ACAP2: variants seen among roughly 807,000 people sequenced by gnomAD.
ACAP2 encodes the protein arf-GAP with coiled-coil, ANK repeat and PH domain-containing protein 2.
In ACAP2, 39 loss-of-function variants were observed where a neutral mutation model predicts 115.8. That is an observed-to-expected ratio of 0.34 (90% CI 0.26 to 0.44). The LOEUF (loss-of-function observed/expected upper bound fraction) is 0.44, where lower values mean the gene tolerates loss of function less well. Ranked by LOEUF, ACAP2 falls within the 20% of genes least tolerant of loss-of-function variation. ACAP2 has a pLI of 1.00. For missense variants in ACAP2, 662 were observed against 927.6 expected, an observed-to-expected ratio of 0.71 and a Z score of 3.72; for synonymous variants, 289 against 315.8, an observed-to-expected ratio of 0.92 and a Z score of 0.90.
At chr3:195,294,663 C>T in intron 18 of ACAP2, 56 bp downstream of exon 18, 2 of 764,822 alleles carry the variant, frequency 2.6e-6, no homozygotes, top group Non-Finnish European at 4.1e-6. Flanking sequence ...AAACATTTAC[C>T]ACATGCACTT....
intron 4 of ACAP2, among the ~76,000 whole-genome samples, chr3:195,347,887 T>C (rs1251693821): frequency 1.3e-5 from 2 of 151,978 alleles, no homozygotes; most frequent in Non-Finnish European, 1.5e-5. Flanking sequence ...TGGCACACAC[T>C]TGTAGTCCTA....
At chr3:195,351,441 C>CGTGTGTGTGTGT (rs56049053) in intron 4 of ACAP2, among the ~76,000 whole-genome samples, 56 of 130,056 alleles carry the variant, frequency 4.3e-4, no homozygotes, top group African/African-American at 1.4e-3. Flanking sequence ...TTTTCTTTTT[C>CGTGTGTGTGTGT]GTGTGTGTGT....
At chr3:195,346,519 G>A (rs1202158567) in intron 4 of ACAP2, among the ~76,000 whole-genome samples, 1 of 152,094 alleles carries the variant, frequency 6.6e-6, no homozygotes, top group Non-Finnish European at 1.5e-5. Context: ...GACAAATTTT[G>A]TGAAAGACAA....
At chr3:195,300,389 A>C (rs985218633) in intron 15 of ACAP2, among the ~76,000 whole-genome samples, 1 of 152,160 alleles carries the variant, frequency 6.6e-6, no homozygotes, top group Non-Finnish European at 1.5e-5. Context: ...TCCAACCCTT[A>C]AACTCATCTA....
chr3:195,425,681 CTT>C (rs1009049680), intron 1 of ACAP2, among the ~76,000 whole-genome samples: 2 of 152,122 alleles, frequency 1.3e-5, no homozygotes, highest in Non-Finnish European at 1.5e-5. Flanking sequence ...AAATATAACT[CTT>C]GACTTTTTTC....
At chr3:195,338,509 C>T (rs1730660821) in intron 6 of ACAP2, among the ~76,000 whole-genome samples, 2 of 152,084 alleles carry the variant, frequency 1.3e-5, no homozygotes, top group African/African-American at 4.8e-5. Context: ...TTTGTAGAGA[C>T]AGGTTCTCAC....
At chr3:195,322,919 T>C (rs1316537587) in intron 9 of ACAP2, among the ~76,000 whole-genome samples, 1 of 152,208 alleles carries the variant, frequency 6.6e-6, no homozygotes, top group African/African-American at 2.4e-5. Context: ...ATTTCATAAC[T>C]TTAGCAATGA....
At chr3:195,281,129 G>A (rs552269536) in intron 22 of ACAP2, among the ~76,000 whole-genome samples, 10 of 152,278 alleles carry the variant, frequency 6.6e-5, no homozygotes, top group East Asian at 5.8e-4. Flanking sequence ...CTTTTGGCCC[G>A]GCCGGGTGGC....
At chr3:195,308,115 AAAAC>A (rs1276594927) in intron 11 of ACAP2, among the ~76,000 whole-genome samples, 6 of 152,196 alleles carry the variant, frequency 3.9e-5, no homozygotes, top group African/African-American at 1.4e-4. Context: ...AAGGTTCAGG[AAAAC>A]AAACATATAA....
At chr3:195,441,056 C>A (rs1715955501) in intron 1 of ACAP2, among the ~76,000 whole-genome samples, 1 of 151,114 alleles carries the variant, frequency 6.6e-6, no homozygotes, top group East Asian at 1.9e-4. Context: ...TTCTTTATTT[C>A]AAAAACAAAG....
At chr3:195,323,448 A>G (rs976091647) in intron 9 of ACAP2, among the ~76,000 whole-genome samples, 4 of 152,200 alleles carry the variant, frequency 2.6e-5, no homozygotes, top group African/African-American at 9.6e-5. Context: ...CATTTAGAAT[A>G]CAAGTGTCTA....
chr3:195,367,123 T>C (rs1732782561), intron 4 of ACAP2, among the ~76,000 whole-genome samples: 2 of 150,746 alleles, frequency 1.3e-5, no homozygotes, highest in Non-Finnish European at 2.9e-5. Flanking sequence ...AACTGTGCTC[T>C]CAAACAGTGG....
At chr3:195,427,780 G>C (rs1714795677) in intron 1 of ACAP2, among the ~76,000 whole-genome samples, 1 of 152,012 alleles carries the variant, frequency 6.6e-6, no homozygotes, top group South Asian at 2.1e-4. Context: ...ATGTAGTGGT[G>C]TGCACCTGTG....
intron 1 of ACAP2, among the ~76,000 whole-genome samples, chr3:195,417,507 T>C (rs909075200): frequency 2.6e-5 from 4 of 152,170 alleles, no homozygotes; most frequent in African/African-American, 4.8e-5. Context: ...CTCACTCTTA[T>C]CTCCACTAAC....
chr3:195,403,237 G>A (rs927922284), intron 1 of ACAP2, among the ~76,000 whole-genome samples: 3 of 152,300 alleles, frequency 2.0e-5, no homozygotes, highest in African/African-American at 4.8e-5. Context: ...CTGTACGGCC[G>A]AAACAGAACC....
intron 20 of ACAP2, 96 bp downstream of exon 20, chr3:195,291,610 C>T (rs1359791431): frequency 8.0e-6 from 7 of 872,292 alleles, no homozygotes; most frequent in Non-Finnish European, 1.2e-5. Flanking sequence ...TCTTTACAAA[C>T]ACTACCTGAA....
rs1727602298 is a variant in ACAP2 at position 195,295,714 on chromosome 3, T to C, written c.1666A>G (p.Ser556Gly). The part of the protein sequence containing the change: ...PGDQVRASAQ[S>G]SVRSNDSGIQ... ...GTAAGAAAGTTTGCCATACCTGAAC[T>C]TTGGGCAGATGCTCTGACTTGGTCC... The change falls in exon 17 of 23, where the codon AGT (serine) becomes GGT (glycine). Residue 556 changes from serine to glycine, a missense_variant. Physicochemically the swap from Ser to Gly is moderately conservative, Grantham distance 56. Around this residue, in one of 3 missense-constraint regions of ACAP2, gnomAD observed 133 missense variants for 123.1 expected, o/e 1.08. Transcript: ENST00000326793. 2 of 1,614,132 alleles carry C rather than the reference T, an allele frequency of 1.2e-6. No homozygotes were observed. The highest frequency in any genetic ancestry group is 4.5e-5 in the East Asian group (2 of 44,862).
At chr3:195,341,498 G>T (rs551326780) in intron 6 of ACAP2, among the ~76,000 whole-genome samples, 1 of 151,906 alleles carries the variant, frequency 6.6e-6, no homozygotes, top group African/African-American at 2.4e-5. Flanking sequence ...CTAATTTTTT[G>T]TATTTTTAGT....
intron 5 of ACAP2, 96 bp downstream of exon 5, chr3:195,345,163 A>G (rs768408324): frequency 4.8e-6 from 4 of 833,718 alleles, no homozygotes; most frequent in Non-Finnish European, 7.9e-6. Context: ...AATATTTTCA[A>G]TAATTCATGG....
Sources: allele counts gnomAD v4.1 joint callset (sites outside exome capture counted in the v4.1 genomes callset), GRCh38; gene constraint gnomAD v4.1.1; regional missense constraint gnomAD v4.1.1; transcripts MANE v1.5; gene names NCBI Gene and HGNC (gene_info 2026-07-23, HGNC 2026-07-21).